WDR88: variants seen among roughly 807,000 people sequenced by gnomAD.
WDR88 encodes WD repeat-containing protein 88.
A neutral mutation model predicts 46.8 loss-of-function variants in WDR88; 40 were observed. The observed-to-expected ratio is 0.86, with a 90% CI of 0.66 to 1.11. WDR88 has a LOEUF of 1.11. Among genes scored for constraint, WDR88 ranks in the 50% most tolerant of loss-of-function variants. WDR88 has a pLI of 0.00. For synonymous variants in WDR88, 235 were observed against 240.7 expected (o/e 0.98, Z 0.22); for missense variants, 562 against 602.4 (o/e 0.93, Z 0.70).
At chr19:33,153,469 G>C (rs529851173) in intron 6 of WDR88, among the ~76,000 whole-genome samples, 4 of 152,026 alleles carry the variant, frequency 2.6e-5, no homozygotes, top group Admixed American at 2.0e-4. Context: ...TATTAATTTT[G>C]CACTGAGAAC....
At chr19:33,163,157 C>T (rs1008877320) in intron 8 of WDR88, among the ~76,000 whole-genome samples, 3 of 151,986 alleles carry the variant, frequency 2.0e-5, no homozygotes, top group African/African-American at 4.8e-5. Context: ...CACAGTGAAA[C>T]CCCGTCTCTA....
At chr19:33,159,603 T>C (rs140304966) in intron 7 of WDR88, among the ~76,000 whole-genome samples, 99 of 152,194 alleles carry the variant, frequency 6.5e-4, no homozygotes, top group African/African-American at 1.8e-3. Flanking sequence ...CTGATGAGAA[T>C]GTGACCAGAG....
intron 10 of WDR88, chr19:33,174,913 T>G: frequency 1.0e-6 from 1 of 985,458 alleles, no homozygotes; most frequent in South Asian, 4.7e-5. Context: ...TCATTCTCTC[T>G]GCAATTTCCG....
intron 2 of WDR88, among the ~76,000 whole-genome samples, chr19:33,142,228 G>C (rs1306657465): frequency 6.6e-6 from 1 of 152,114 alleles, no homozygotes; most frequent in East Asian, 1.9e-4. Context: ...GAAGATGGAA[G>C]AAGAGAGCCA....
At chr19:33,135,683 G>T (rs1014339302) in intron 1 of WDR88, among the ~76,000 whole-genome samples, 14 of 152,176 alleles carry the variant, frequency 9.2e-5, no homozygotes, top group Non-Finnish European at 1.8e-4. Flanking sequence ...CTCCCAAAGT[G>T]CTGGGATTAC....
In WDR88 at chr19:33,132,175, CTCCCCGCCGCGGT is replaced by C; in HGVS notation, c.7_19del (p.Ser3AlafsTer36). ...CCGGCGGACCGGGCTTCGAGATGGC[CTCCCCGCCGCGGT>C]GCTCCCCGACAGCCCATGACAGGGA... On this transcript the variant is annotated frameshift_variant, in exon 1 of 11. Transcript: ENST00000355868. LOFTEE classifies it high-confidence loss of function. The C allele has an allele frequency of 1.3e-6, 2 of 1,589,356 alleles. No individual in the cohort carries two copies. Among genetic ancestry groups the C allele is most frequent in the Non-Finnish European group, 1.7e-6 (2 of 1,170,022 alleles).
chr19:33,133,198 T>TAAATAAATATAGAG lies in WDR88; in HGVS notation c.276+754_276+755insAATAAATATAGAGA, dbSNP rs1555723214. On this transcript the variant is annotated intron_variant, in intron 1 of 10. Coordinates refer to ENST00000355868, the MANE Select transcript of WDR88 (RefSeq NM_173479.4). ...AAATAAATAAATAAATAAATAAATA[T>TAAATAAATATAGAG]AGAGAGAGAGAGAGAAAGAAAGAAA... Among the ~76,000 whole-genome samples the TAAATAAATATAGAG allele has an allele frequency of 3.7e-3, 294 of 79,764 alleles. 1 individual carries two copies. The highest frequency in any genetic ancestry group is 9.1e-3 in the African/African-American group (280 of 30,636). 52.3% of individuals were successfully genotyped at this position (79,764 alleles called of 152,430 possible). A position where few individuals can be genotyped will look rare whatever the true frequency, so the allele number is the denominator to read the frequency against.
chr19:33,132,162 G>C lies in WDR88; in HGVS notation c.-8G>C. 2 of 1,581,342 alleles carry C rather than the reference G, an allele frequency of 1.3e-6. No individual in the cohort carries two copies. The highest frequency in any genetic ancestry group is 1.7e-6 in the Non-Finnish European group (2 of 1,166,924). On this transcript the variant is annotated 5_prime_UTR_variant, in exon 1 of 11. Transcript: ENST00000355868. ...TTGTCGGCGGCCACCGGCGGACCGG[G>C]CTTCGAGATGGCCTCCCCGCCGCGG...
At position 33,175,603 on chromosome 19, in the gene WDR88, A is replaced by C. The variant is rs1227618941; in HGVS notation, c.*31A>C. On this transcript the variant is annotated 3_prime_UTR_variant, in exon 11 of 11. Transcript: ENST00000355868. ...ACAGGCCCCTTTGAGTGACTCCAGC[A>C]CAGGCTACCTAGCATGTAGGTTTCG... is the stretch of plus-strand genomic sequence containing the variant. 6.2e-7 allele frequency: 1 copy of C among 1,613,178 alleles called. No individual in the cohort carries two copies. The highest frequency in any genetic ancestry group is 1.1e-5 in the South Asian group (1 of 91,034).
At chr19:33,147,438 AC>A (rs371796788) in intron 3 of WDR88, among the ~76,000 whole-genome samples, 53 of 152,144 alleles carry the variant, frequency 3.5e-4, no homozygotes, top group Middle Eastern at 3.4e-3. Flanking sequence ...CCCCGTTTCT[AC>A]TAAAAATACA....
intron 9 of WDR88, 38 bp downstream of exon 9, chr19:33,164,303 C>T: frequency 6.3e-7 from 1 of 1,588,912 alleles, no homozygotes; most frequent in Non-Finnish European, 8.6e-7. Context: ...ATCACGTTCG[C>T]CAGGATTGGT....
chr19:33,144,454 C>T (rs113637648), intron 2 of WDR88, among the ~76,000 whole-genome samples: 9,475 of 152,198 alleles, frequency 0.062, 910 homozygotes, highest in African/African-American at 0.21. Flanking sequence ...CCCACCTCGG[C>T]CTCCCAAAGT....
intron 6 of WDR88, among the ~76,000 whole-genome samples, chr19:33,155,925 A>C (rs539379692): frequency 1.0e-3 from 158 of 152,308 alleles, no homozygotes; most frequent in African/African-American, 3.7e-3. Context: ...CCAGCTCAAA[A>C]TGTCCACCTT....
intron 2 of WDR88, among the ~76,000 whole-genome samples, chr19:33,144,099 C>A (rs143868498): frequency 0.012 from 1,817 of 152,318 alleles, 21 homozygotes; most frequent in Middle Eastern, 0.041. Flanking sequence ...GAGTCTAAAA[C>A]TGCGCAGCCC....
At chr19:33,164,817 C>T (rs901753457) in intron 9 of WDR88, among the ~76,000 whole-genome samples, 3 of 151,820 alleles carry the variant, frequency 2.0e-5, no homozygotes, top group Admixed American at 6.6e-5. Flanking sequence ...GGTTGGGGGG[C>T]GGGGGATGGT....
chr19:33,144,792 A>G, intron 2 of WDR88, 52 bp from the exon 3 acceptor site: 1 of 1,557,466 alleles, frequency 6.4e-7, no homozygotes, highest in Non-Finnish European at 8.8e-7. Flanking sequence ...TTACGACTTC[A>G]GCAAACACGG....
chr19:33,164,292 G>T (rs754715358), intron 9 of WDR88, 27 bp downstream of exon 9: 1 of 1,602,936 alleles, frequency 6.2e-7, no homozygotes. Flanking sequence ...TTACAATATC[G>T]ATCACGTTCG....
chr19:33,157,556 T>C (rs576516307), intron 7 of WDR88, among the ~76,000 whole-genome samples: 5 of 139,030 alleles, frequency 3.6e-5, no homozygotes, highest in Admixed American at 2.2e-4. Flanking sequence ...TATATGTGTA[T>C]ATATATATGT....
intron 6 of WDR88, among the ~76,000 whole-genome samples, chr19:33,151,931 T>C (rs780441757): frequency 6.6e-6 from 1 of 151,146 alleles, no homozygotes; most frequent in Non-Finnish European, 1.5e-5. Flanking sequence ...TATTACATTA[T>C]CATTTAAAAA....
Sources: allele counts gnomAD v4.1 joint callset (sites outside exome capture counted in the v4.1 genomes callset), GRCh38; gene constraint gnomAD v4.1.1; transcripts MANE v1.5; gene names NCBI Gene and HGNC (gene_info 2026-07-23, HGNC 2026-07-21).